DIS3L2: variants seen among roughly 807,000 people sequenced by gnomAD.
DIS3L2 encodes the protein DIS3 like 3'-5' exoribonuclease 2.
A neutral mutation model predicts 97.5 loss-of-function variants in DIS3L2; 34 were observed. The ratio of observed to expected loss-of-function variants is 0.35; its 90% CI spans 0.27 to 0.46. The LOEUF (loss-of-function observed/expected upper bound fraction) is 0.46, where lower values mean the gene tolerates loss of function less well. Among genes scored for constraint, DIS3L2 ranks in the 20% least tolerant of loss-of-function variants. The probability of loss-of-function intolerance (pLI) is 1.00; values close to 1 mark genes in which losing one functional copy is unlikely to be tolerated. For missense variants in DIS3L2, 1,038 were observed against 1,146.0 expected, an observed-to-expected ratio of 0.91 and a Z score of 1.36; for synonymous variants, 435 against 445.2, an observed-to-expected ratio of 0.98 and a Z score of 0.29.
intron 6 of DIS3L2, among the ~76,000 whole-genome samples, chr2:232,123,724 G>A (rs1219806333): frequency 6.6e-6 from 1 of 152,068 alleles, no homozygotes; most frequent in African/African-American, 2.4e-5. Flanking sequence ...AAGAACTGAC[G>A]GGCATTACCA....
In DIS3L2 at chr2:231,971,677, A is replaced by G. The variant is rs1282033255; in HGVS notation, c.-94+9912A>G. ...TAGCCAGGATGGTCTCGATCTCCTGACCTTGTGATCCGCCTGCCTTGGCCT... is the reference window on the plus strand; with the variant it reads ...TAGCCAGGATGGTCTCGATCTCCTGGCCTTGTGATCCGCCTGCCTTGGCCT... On this transcript the variant is annotated intron_variant, in intron 1 of 20. Coordinates refer to ENST00000325385, the MANE Select transcript of DIS3L2 (RefSeq NM_152383.5). Among the ~76,000 whole-genome samples the G allele has an allele frequency of 6.6e-5, 10 of 151,816 alleles. No homozygotes were observed. In the East Asian group the frequency reaches 1.6e-3, roughly 24 times the overall value.
chr2:232,244,895 C>T (rs1693207693), intron 11 of DIS3L2, among the ~76,000 whole-genome samples: 2 of 152,174 alleles, frequency 1.3e-5, no homozygotes, highest in South Asian at 4.2e-4. Flanking sequence ...TAGCAACTCA[C>T]CTCCACACGG....
chr2:232,260,858 G>C (rs191853245), intron 12 of DIS3L2, among the ~76,000 whole-genome samples: 1 of 152,278 alleles, frequency 6.6e-6, no homozygotes, highest in African/African-American at 2.4e-5. Context: ...GCTGGGCTCA[G>C]TCCTTCCCCA....
intron 14 of DIS3L2, among the ~76,000 whole-genome samples, chr2:232,316,314 C>A (rs1488264859): frequency 6.6e-6 from 1 of 152,094 alleles, no homozygotes; most frequent in Non-Finnish European, 1.5e-5. Flanking sequence ...ACGATTATGT[C>A]CTGTTCTTTA....
intron 12 of DIS3L2, among the ~76,000 whole-genome samples, chr2:232,255,794 A>G (rs1023928846): frequency 2.0e-5 from 3 of 152,126 alleles, no homozygotes; most frequent in African/African-American, 4.8e-5. Context: ...GGAGTGTACT[A>G]TGGAAGTCGC....
rs1007843826 is a variant in DIS3L2 at position 231,997,316 on chromosome 2, T to C, written c.-93-17519T>C. Among the ~76,000 whole-genome samples, 5 of 152,254 alleles carry C rather than the reference T, an allele frequency of 3.3e-5. No homozygotes were observed. In the East Asian group the frequency reaches 9.6e-4, roughly 29 times the overall value. ...CTGGGCTGTTGTCCCTTTCAGGACA[T>C]TTAATCTTTTAAATCCTCAAAATAT... is the stretch of plus-strand genomic sequence containing the variant. On this transcript the variant is annotated intron_variant, in intron 1 of 20. Transcript: ENST00000325385.
chr2:232,314,947 T>C (rs1452157738), intron 14 of DIS3L2, among the ~76,000 whole-genome samples: 1 of 152,250 alleles, frequency 6.6e-6, no homozygotes, highest in African/African-American at 2.4e-5. Flanking sequence ...CAGAAGGTCC[T>C]GGAATGACTC....
chr2:232,116,732 G>C (rs3116164), intron 6 of DIS3L2, among the ~76,000 whole-genome samples: 119,248 of 152,108 alleles, frequency 0.78, 47,335 homozygotes, highest in African/African-American at 0.89. Flanking sequence ...TCTGGCTATA[G>C]AATGTCCGCC....
At chr2:232,227,353 G>C (rs1201880103) in intron 10 of DIS3L2, among the ~76,000 whole-genome samples, 2 of 152,238 alleles carry the variant, frequency 1.3e-5, no homozygotes, top group Non-Finnish European at 2.9e-5. Context: ...TTTGGAGTCA[G>C]ACCTTGACAC....
intron 12 of DIS3L2, among the ~76,000 whole-genome samples, chr2:232,257,463 T>C (rs1693596372): frequency 6.6e-6 from 1 of 152,198 alleles, no homozygotes; most frequent in Admixed American, 6.5e-5. Context: ...ATTGCCCTGT[T>C]TTCGTAGCTC....
chr2:232,023,179 A>G (rs894738495), intron 3 of DIS3L2: 1 of 152,202 alleles, frequency 6.6e-6, no homozygotes, highest in African/African-American at 2.4e-5. Flanking sequence ...GATTGAGCTT[A>G]GTTAATCATT....
rs187479055 is a variant in DIS3L2, at chr2:231,962,372, T to C, written c.-94+607T>C. Among the ~76,000 whole-genome samples the C allele has an allele frequency of 4.6e-5, 7 of 151,634 alleles. No homozygotes were observed. The South Asian group carries it at 8.4e-4, about 18-fold the overall frequency. ...GGTATTGAGCATAGAACCCAGTAGGTAGTTTTTCAACCCACATCCCCCATC... is the reference window on the plus strand; with the variant it reads ...GGTATTGAGCATAGAACCCAGTAGGCAGTTTTTCAACCCACATCCCCCATC... On this transcript the variant is annotated intron_variant, in intron 1 of 20. Coordinates refer to ENST00000325385, the MANE Select transcript of DIS3L2 (RefSeq NM_152383.5).
chr2:232,252,400 ACT>A (rs1026152317), intron 12 of DIS3L2, among the ~76,000 whole-genome samples: 5 of 151,968 alleles, frequency 3.3e-5, no homozygotes, highest in Non-Finnish European at 7.4e-5. Flanking sequence ...TAAGAGTGAA[ACT>A]CCGTCTGAAA....
At chr2:232,054,809 A>G (rs1046333181) in intron 5 of DIS3L2, among the ~76,000 whole-genome samples, 1 of 152,332 alleles carries the variant, frequency 6.6e-6, no homozygotes, top group Non-Finnish European at 1.5e-5. Context: ...CAATATAAGA[A>G]AATTGTAGGC....
At chr2:231,978,578 A>G (rs889974113) in intron 1 of DIS3L2, 2 of 152,224 alleles carry the variant, frequency 1.3e-5, no homozygotes, top group Admixed American at 1.3e-4. Flanking sequence ...GTGGAAGTAA[A>G]AGAGAATGAT....
intron 6 of DIS3L2, 137 bp downstream of exon 6, chr2:232,087,858 G>A: frequency 1.5e-6 from 1 of 687,646 alleles, no homozygotes; most frequent in South Asian, 2.1e-5. Context: ...TTTCAGAAAA[G>A]GGGGATCTTT....
At chr2:232,101,154 C>T (rs1275376782) in intron 6 of DIS3L2, among the ~76,000 whole-genome samples, 8 of 151,638 alleles carry the variant, frequency 5.3e-5, no homozygotes, top group African/African-American at 1.9e-4. Flanking sequence ...ATCACTTGAA[C>T]CCGGGAGGCA....
intron 5 of DIS3L2, among the ~76,000 whole-genome samples, chr2:232,069,690 T>C (rs1046225770): frequency 2.6e-5 from 4 of 152,212 alleles, no homozygotes; most frequent in African/African-American, 9.6e-5. Context: ...AATTTTTTAC[T>C]GGGATCTCTA....
At chr2:232,028,032 G>A (rs747603540) in intron 4 of DIS3L2, among the ~76,000 whole-genome samples, 1 of 152,070 alleles carries the variant, frequency 6.6e-6, no homozygotes, top group Admixed American at 6.5e-5. Context: ...CGTGTCATAG[G>A]AGGCACCCTT....
Sources: gnomAD v4.1 joint callset for allele counts (sites outside exome capture counted in the v4.1 genomes callset) on GRCh38, gnomAD v4.1.1 for gene constraint, MANE v1.5 for transcripts, NCBI Gene and HGNC (gene_info 2026-07-23, HGNC 2026-07-21) for gene names.